ARMC9: variants seen among roughly 807,000 people sequenced by gnomAD.
The protein encoded by ARMC9 is lisH domain-containing protein ARMC9.
Under a neutral mutation model 107.0 loss-of-function variants are expected in ARMC9, and 94 were observed. The observed-to-expected ratio is 0.88, with a 90% CI of 0.74 to 1.04. The LOEUF (loss-of-function observed/expected upper bound fraction) is 1.04, where lower values mean the gene tolerates loss of function less well. Ranked by LOEUF, ARMC9 falls within the 50% of genes least tolerant of loss-of-function variation. The pLI is 0.00. For synonymous variants in ARMC9, 380 were observed against 396.9 expected (o/e 0.96, Z 0.51); for missense variants, 942 against 1,030.1 (o/e 0.91, Z 1.17).
chr2:231,219,449 T>C (rs1336552549), intron 5 of ARMC9, among the ~76,000 whole-genome samples: 2 of 152,236 alleles, frequency 1.3e-5, no homozygotes, highest in Non-Finnish European at 2.9e-5. Flanking sequence ...TCTTACTACA[T>C]TGAAGATACA....
chr2:231,369,288 CTTTTT>C (rs563713963), intron 23 of ARMC9, among the ~76,000 whole-genome samples: 2 of 144,006 alleles, frequency 1.4e-5, no homozygotes, highest in African/African-American at 5.8e-5. Flanking sequence ...TCTTTTTTTT[CTTTTT>C]TTTTATTTTA....
At chr2:231,277,974 T>C (rs2039904964) in intron 15 of ARMC9, among the ~76,000 whole-genome samples, 1 of 152,146 alleles carries the variant, frequency 6.6e-6, no homozygotes, top group Admixed American at 6.5e-5. Flanking sequence ...AAAATGCCTA[T>C]ATGGTCTTCC....
In ARMC9 at chr2:231,214,946, T is replaced by C; in HGVS notation, c.293T>C (p.Phe98Ser). 1 of 1,614,170 alleles carries C rather than the reference T, an allele frequency of 6.2e-7. No homozygotes were observed. The highest frequency in any genetic ancestry group is 8.5e-7 in the Non-Finnish European group (1 of 1,180,026). Residue 98 changes from phenylalanine to serine, a missense_variant, in exon 4 of 25, where the codon TTC becomes TCC. Physicochemically the swap from Phe to Ser is radical, Grantham distance 155. Coordinates refer to ENST00000611582, the MANE Select transcript of ARMC9 (RefSeq NM_001352754.2). ...GACTCCTTTGCCCAGAAGCTGGAAT[T>C]CTATCTCCACATCCATTTTGCCATC... ...DGDSFAQKLE[F>S]YLHIHFAIYL... is the part of the protein sequence containing the mutation.
intron 17 of ARMC9, among the ~76,000 whole-genome samples, chr2:231,284,617 GAA>G (rs1430757216): frequency 3.9e-5 from 6 of 152,340 alleles, no homozygotes; most frequent in Non-Finnish European, 8.8e-5. Context: ...ATTTGAGAGA[GAA>G]AGTAAGCAAG....
chr2:231,280,915 G>A (rs1289007385), intron 16 of ARMC9, among the ~76,000 whole-genome samples: 35 of 152,148 alleles, frequency 2.3e-4, no homozygotes, highest in Admixed American at 2.3e-3. Flanking sequence ...AAAAACAACC[G>A]TAGGATGCCT....
intron 17 of ARMC9, among the ~76,000 whole-genome samples, chr2:231,291,050 T>G (rs2040954857): frequency 1.3e-5 from 2 of 151,882 alleles, no homozygotes; most frequent in African/African-American, 2.4e-5. Flanking sequence ...AAAATGAATG[T>G]TTAGTATAAG....
rs922704444 is a variant in ARMC9, at chr2:231,374,412, C to T, written c.*2877C>T. On this transcript the variant is annotated 3_prime_UTR_variant, in exon 25 of 25. Coordinates refer to ENST00000611582, the MANE Select transcript of ARMC9 (RefSeq NM_001352754.2). ...TTTCTGCATTCACAGCAAGGTGGAACTGTCTGGCAAGAGCTTAAATTAGGA... is the reference window on the plus strand; with the variant it reads ...TTTCTGCATTCACAGCAAGGTGGAATTGTCTGGCAAGAGCTTAAATTAGGA... 2.0e-5 allele frequency: 3 copies of T among 152,024 alleles called. No homozygotes were observed. Among genetic ancestry groups the T allele is most frequent in the Non-Finnish European group, 2.9e-5 (2 of 68,024 alleles). The allele number at this position is 152,024 out of a possible 1,614,324, so 9.4% of individuals were successfully genotyped here. A position where few individuals can be genotyped will look rare whatever the true frequency, so the allele number is the denominator to read the frequency against.
chr2:231,351,353 C>G (rs73994583), intron 21 of ARMC9, among the ~76,000 whole-genome samples: 12,307 of 152,078 alleles, frequency 0.081, 1,490 homozygotes, highest in African/African-American at 0.26. Context: ...CTCAGCTTCG[C>G]ATTCCCCACC....
At chr2:231,351,372 G>T (rs754708858) in intron 21 of ARMC9, among the ~76,000 whole-genome samples, 1 of 151,950 alleles carries the variant, frequency 6.6e-6, no homozygotes, top group African/African-American at 2.4e-5. Context: ...CCCTGTACTC[G>T]CTCCCTCTGG....
intron 17 of ARMC9, among the ~76,000 whole-genome samples, chr2:231,282,451 G>A (rs1364709387): frequency 1.3e-5 from 2 of 152,180 alleles, no homozygotes; most frequent in Non-Finnish European, 2.9e-5. Flanking sequence ...TCTAGGACTT[G>A]GTTTGGTTGG....
chr2:231,335,972 AG>A (rs1270051560), intron 20 of ARMC9, among the ~76,000 whole-genome samples: 1 of 152,018 alleles, frequency 6.6e-6, no homozygotes, highest in Non-Finnish European at 1.5e-5. Context: ...CCAGCTATTC[AG>A]GAGGCTGAGG....
rs1261310883 is a variant in ARMC9 at position 231,318,871 on chromosome 2, A to C, written c.1774-12922A>C. On this transcript the variant is annotated intron_variant, in intron 19 of 24. Coordinates refer to ENST00000611582, the MANE Select transcript of ARMC9 (RefSeq NM_001352754.2). ...TAGATCCTAGGGATATAGCGGTAAA[A>C]GCAAAGCAGACATCCTATTTGGAGA... 2.0e-5 allele frequency among the ~76,000 whole-genome samples: 3 copies of C among 152,330 alleles called. No homozygotes were observed. The East Asian group carries it at 5.8e-4, about 29-fold the overall frequency.
intron 9 of ARMC9, among the ~76,000 whole-genome samples, chr2:231,252,470 G>A (rs778053197): frequency 4.6e-5 from 7 of 151,964 alleles, no homozygotes; most frequent in Non-Finnish European, 8.8e-5. Context: ...GGCTGGTCTC[G>A]AACTCCTGAC....
chr2:231,327,669 T>C (rs2043419638), intron 19 of ARMC9, among the ~76,000 whole-genome samples: 1 of 152,234 alleles, frequency 6.6e-6, no homozygotes, highest in Non-Finnish European at 1.5e-5. Context: ...GCCAACAAGT[T>C]TTTATTTCTC....
intron 13 of ARMC9, among the ~76,000 whole-genome samples, chr2:231,271,674 G>T (rs2039339642): frequency 6.6e-6 from 1 of 152,162 alleles, no homozygotes; most frequent in Non-Finnish European, 1.5e-5. Context: ...TTGTTCATTT[G>T]TTCATTCGTT....
chr2:231,299,979 TA>T (rs1282061003), intron 19 of ARMC9, among the ~76,000 whole-genome samples: 1 of 152,228 alleles, frequency 6.6e-6, no homozygotes, highest in Admixed American at 6.5e-5. Context: ...CTGATGCATT[TA>T]TTTTATATGA....
At chr2:231,361,618 T>C (rs2045589471) in intron 23 of ARMC9, among the ~76,000 whole-genome samples, 1 of 152,120 alleles carries the variant, frequency 6.6e-6, no homozygotes, top group African/African-American at 2.4e-5. Context: ...TCGCCAGCTC[T>C]TTCTTTTGGA....
intron 22 of ARMC9, among the ~76,000 whole-genome samples, chr2:231,356,243 A>G (rs1002476522): frequency 1.3e-5 from 2 of 152,042 alleles, no homozygotes; most frequent in Non-Finnish European, 2.9e-5. Context: ...GCTGATGTTG[A>G]TCTGTGACCC....
chr2:231,344,846 A>G, intron 20 of ARMC9, 129 bp from the exon 21 acceptor site: 1 of 951,058 alleles, frequency 1.1e-6, no homozygotes, highest in Non-Finnish European at 1.6e-6. Flanking sequence ...TTGTGACATG[A>G]TCCTTCCTCA....
Sources: allele counts gnomAD v4.1 joint callset (sites outside exome capture counted in the v4.1 genomes callset), GRCh38; gene constraint gnomAD v4.1.1; transcripts MANE v1.5; gene names NCBI Gene and HGNC (gene_info 2026-07-23, HGNC 2026-07-21).